The following MCC variants were observed in gnomAD, a reference collection of about 807,000 sequenced individuals.
The protein encoded by MCC is MCC regulator of Wnt signaling pathway.
MCC carries 90 observed loss-of-function variants against 116.2 expected under a neutral mutation model. The observed-to-expected ratio is 0.77, with a 90% CI of 0.65 to 0.92. MCC has a LOEUF of 0.92. MCC is among the 40% of genes least tolerant of loss of function. The pLI is 0.00. For synonymous variants in MCC, 578 were observed against 510.5 expected (o/e 1.13, Z -1.78); for missense variants, 1,516 against 1,312.2 (o/e 1.16, Z -2.40).
At chr5:113,131,928 A>C (rs999799609) in intron 5 of MCC, among the ~76,000 whole-genome samples, 2 of 152,148 alleles carry the variant, frequency 1.3e-5, no homozygotes, top group African/African-American at 4.8e-5. Context: ...CTCAGTGACC[A>C]ACCATATGCA....
chr5:113,470,639 TGAATCTGA>T lies in MCC; in HGVS notation c.170+17598_170+17605del, dbSNP rs540401183. ...ATTTTTTCCTTCATTTCAACTCTGG[TGAATCTGA>T]GAATTATGTGTCTTGGAGTTGCTCT... On this transcript the variant is annotated intron_variant, in intron 1 of 18. Coordinates refer to ENST00000408903, the MANE Select transcript of MCC (RefSeq NM_001085377.2). 4.5e-4 allele frequency among the ~76,000 whole-genome samples: 69 copies of T among 152,274 alleles called. 1 individual carries two copies. In the South Asian group the frequency reaches 0.013, roughly 29 times the overall value.
At chr5:113,417,316 C>T (rs1770180204) in intron 1 of MCC, among the ~76,000 whole-genome samples, 2 of 152,128 alleles carry the variant, frequency 1.3e-5, no homozygotes, top group African/African-American at 4.8e-5. Flanking sequence ...TTCCAAAATG[C>T]CTACAATTGT....
At chr5:113,145,013 C>T (rs1430226191) in intron 4 of MCC, among the ~76,000 whole-genome samples, 2 of 152,204 alleles carry the variant, frequency 1.3e-5, no homozygotes, top group Non-Finnish European at 2.9e-5. Context: ...TTAGGCCTTT[C>T]TCATCCATGA....
At position 113,025,071 on chromosome 5, in the gene MCC, A is replaced by G. The variant is rs1561723285; in HGVS notation, c.*2231T>C. The G allele has an allele frequency of 1.3e-5, 2 of 151,796 alleles. No individual in the cohort carries two copies. Among genetic ancestry groups the G allele is most frequent in the Non-Finnish European group, 2.9e-5 (2 of 67,986 alleles). The allele number at this position is 151,796 out of a possible 1,614,324, so 9.4% of individuals were successfully genotyped here. ...GATTTTACCTGGAGCAAGAATGGAG[A>G]CAGAAGTCAGTAGGCAGGATTTTAT... On this transcript the variant is annotated 3_prime_UTR_variant, in exon 19 of 19. Transcript: ENST00000408903.
At chr5:113,246,347 T>G (rs144769582) in intron 3 of MCC, among the ~76,000 whole-genome samples, 101 of 152,332 alleles carry the variant, frequency 6.6e-4, no homozygotes, top group Admixed American at 1.4e-3. Flanking sequence ...TAAAGCAATT[T>G]CTCGTGAAGT....
intron 1 of MCC, among the ~76,000 whole-genome samples, chr5:113,386,282 GCTGATACCTGAAAC>G: frequency 6.6e-6 from 1 of 152,254 alleles, no homozygotes; most frequent in East Asian, 1.9e-4. Flanking sequence ...TTTGATGTTT[GCTGATACCTGAAAC>G]CTAATCATGC....
intron 3 of MCC, among the ~76,000 whole-genome samples, chr5:113,241,517 G>A (rs1207745154): frequency 6.6e-6 from 1 of 152,140 alleles, no homozygotes; most frequent in East Asian, 1.9e-4. Flanking sequence ...GAGACATGAG[G>A]CTGGAAACTT....
chr5:113,180,862 A>T (rs1423748093), intron 3 of MCC, among the ~76,000 whole-genome samples: 1 of 152,202 alleles, frequency 6.6e-6, no homozygotes, highest in East Asian at 1.9e-4. Context: ...TTAATCAGAA[A>T]AACAAAATAA....
In MCC at chr5:113,186,524, C is replaced by T. The variant is rs562665399; in HGVS notation, c.628-35102G>A. On this transcript the variant is annotated intron_variant, in intron 3 of 18. Transcript: ENST00000408903. Reference sequence around the variant, plus strand: ...TTTTCAACAAAAACAAATCAAACCTCCTAGTCTACTTCATCTATTTAACCT... The same window carrying T: ...TTTTCAACAAAAACAAATCAAACCTTCTAGTCTACTTCATCTATTTAACCT... Among the ~76,000 whole-genome samples, 62 of 152,284 alleles carry T rather than the reference C, an allele frequency of 4.1e-4. 1 individual carries two copies. The South Asian group carries it at 0.013, about 31-fold the overall frequency.
intron 2 of MCC, among the ~76,000 whole-genome samples, chr5:113,376,232 G>A (rs1041691026): frequency 3.9e-5 from 6 of 152,190 alleles, no homozygotes; most frequent in Non-Finnish European, 8.8e-5. Flanking sequence ...TTTGAAGACT[G>A]ACAATAAATT....
At chr5:113,227,356 T>A (rs1009335861) in intron 3 of MCC, among the ~76,000 whole-genome samples, 7 of 152,222 alleles carry the variant, frequency 4.6e-5, no homozygotes, top group Non-Finnish European at 1.0e-4. Context: ...AATAATCTGG[T>A]GTTAGGCACT....
chr5:113,247,366 G>C (rs1350186698), intron 3 of MCC, among the ~76,000 whole-genome samples: 1 of 152,194 alleles, frequency 6.6e-6, no homozygotes, highest in Non-Finnish European at 1.5e-5. Flanking sequence ...GTAGACCTTG[G>C]AATGATGGCT....
intron 1 of MCC, among the ~76,000 whole-genome samples, chr5:113,432,094 C>T (rs1416080054): frequency 6.6e-6 from 1 of 152,010 alleles, no homozygotes; most frequent in South Asian, 2.1e-4. Flanking sequence ...CAAGATCGTG[C>T]CACTGCACTC....
intron 3 of MCC, among the ~76,000 whole-genome samples, chr5:113,250,091 T>G (rs375370215): frequency 5.9e-5 from 9 of 152,182 alleles, no homozygotes; most frequent in Non-Finnish European, 1.2e-4. Context: ...TGTCTCCCCA[T>G]AAGGCCAGCT....
intron 3 of MCC, among the ~76,000 whole-genome samples, chr5:113,313,408 G>C (rs964257417): frequency 6.6e-6 from 1 of 152,058 alleles, no homozygotes; most frequent in Non-Finnish European, 1.5e-5. Context: ...GTTCTGTGAA[G>C]GCCAAATTGC....
At chr5:113,182,478 G>T (rs1156641521) in intron 3 of MCC, among the ~76,000 whole-genome samples, 1 of 152,040 alleles carries the variant, frequency 6.6e-6, no homozygotes, top group Non-Finnish European at 1.5e-5. Context: ...ACTTCAAAAG[G>T]CAAGACTTTC....
chr5:113,249,618 A>C (rs1182255292), intron 3 of MCC, among the ~76,000 whole-genome samples: 4 of 152,170 alleles, frequency 2.6e-5, no homozygotes, highest in African/African-American at 9.7e-5. Context: ...CTCACCCCCC[A>C]AAAATAAGCA....
intron 11 of MCC, among the ~76,000 whole-genome samples, chr5:113,071,834 A>G (rs1434449542): frequency 6.6e-6 from 1 of 152,228 alleles, no homozygotes; most frequent in African/African-American, 2.4e-5. Flanking sequence ...AGGAAGAATC[A>G]GTGAGTGAAC....
chr5:113,252,900 T>C (rs1764854991), intron 3 of MCC, among the ~76,000 whole-genome samples: 1 of 152,268 alleles, frequency 6.6e-6, no homozygotes, highest in Non-Finnish European at 1.5e-5. Context: ...TGCAGGAAAC[T>C]GCTAAGAGCA....
Sources: allele counts gnomAD v4.1 joint callset (sites outside exome capture counted in the v4.1 genomes callset), GRCh38; gene constraint gnomAD v4.1.1; transcripts MANE v1.5; gene names NCBI Gene and HGNC (gene_info 2026-07-23, HGNC 2026-07-21).